The following SCFD2 variants were observed in gnomAD, a reference collection of about 807,000 sequenced individuals.
SCFD2 encodes sec1 family domain containing 2.
Under a neutral mutation model 58.9 loss-of-function variants are expected in SCFD2, and 54 were observed. That is an observed-to-expected ratio of 0.92 (90% CI 0.74 to 1.15). The LOEUF (loss-of-function observed/expected upper bound fraction) is 1.15. Ranked by LOEUF, SCFD2 falls within the 50% of genes most tolerant of loss-of-function variation. The pLI is 0.00. For synonymous variants in SCFD2, 321 were observed against 335.9 expected, an observed-to-expected ratio of 0.96 and a Z score of 0.49; for missense variants, 805 against 836.6, an observed-to-expected ratio of 0.96 and a Z score of 0.47.
intron 4 of SCFD2, among the ~76,000 whole-genome samples, chr4:53,214,504 T>C (rs1728743063): frequency 6.6e-6 from 1 of 152,032 alleles, no homozygotes; most frequent in Non-Finnish European, 1.5e-5. Context: ...GATGGGGTTG[T>C]TTTTTTCTTG....
intron 8 of SCFD2, 40 bp from the exon 9 acceptor site, chr4:52,874,101 G>C: frequency 2.2e-6 from 3 of 1,340,330 alleles, no homozygotes; most frequent in South Asian, 1.2e-5. Flanking sequence ...AGGGAATTAG[G>C]GGGGCCAATC....
chr4:52,983,994 C>A (rs1380121541), intron 5 of SCFD2, among the ~76,000 whole-genome samples: 3 of 152,138 alleles, frequency 2.0e-5, no homozygotes, highest in Non-Finnish European at 2.9e-5. Context: ...ATATTGACTC[C>A]CACATAGTTT....
chr4:53,293,139 T>C (rs28784077), intron 3 of SCFD2, among the ~76,000 whole-genome samples: 99,239 of 151,984 alleles, frequency 0.65, 32,624 homozygotes, highest in Middle Eastern at 0.78. Flanking sequence ...AGGAATGAGA[T>C]CATGTCTTTT....
At chr4:53,163,841 G>A (rs951606687) in intron 4 of SCFD2, among the ~76,000 whole-genome samples, 1 of 152,122 alleles carries the variant, frequency 6.6e-6, no homozygotes, top group Non-Finnish European at 1.5e-5. Flanking sequence ...ATTTGGCATT[G>A]GAAGCCTTTC....
chr4:53,172,387 T>C (rs182750235), intron 4 of SCFD2, among the ~76,000 whole-genome samples: 26 of 152,320 alleles, frequency 1.7e-4, no homozygotes, highest in African/African-American at 5.3e-4. Context: ...CTGCTAACTT[T>C]TGGCTTAGTT....
intron 2 of SCFD2, among the ~76,000 whole-genome samples, chr4:53,339,425 A>G (rs1733791541): frequency 6.6e-6 from 1 of 151,606 alleles, no homozygotes; most frequent in Non-Finnish European, 1.5e-5. Flanking sequence ...AGTTGTTATA[A>G]GTAATATCTA....
intron 2 of SCFD2, among the ~76,000 whole-genome samples, chr4:53,345,306 C>A (rs551047782): frequency 6.6e-6 from 1 of 152,132 alleles, no homozygotes; most frequent in Non-Finnish European, 1.5e-5. Context: ...AGACACTTCA[C>A]AAAAGAGGAC....
At chr4:53,273,752 T>A in intron 4 of SCFD2, 74 bp downstream of exon 4, 1 of 1,304,182 alleles carries the variant, frequency 7.7e-7, no homozygotes, top group Non-Finnish European at 1.1e-6. Flanking sequence ...AAGGCTATAA[T>A]AAATGTCAAG....
At chr4:53,117,926 G>A (rs1488760166) in intron 5 of SCFD2, among the ~76,000 whole-genome samples, 1 of 152,066 alleles carries the variant, frequency 6.6e-6, no homozygotes, top group Admixed American at 6.5e-5. Context: ...ATAAAGACAA[G>A]GCGGTCTTTT....
At chr4:53,332,835 A>T (rs1057201330) in intron 2 of SCFD2, among the ~76,000 whole-genome samples, 10 of 150,868 alleles carry the variant, frequency 6.6e-5, no homozygotes, top group Non-Finnish European at 1.2e-4. Flanking sequence ...ACATGATTGT[A>T]TATCTAGAAA....
Position 53,365,728 on chromosome 4 carries a change from TG to T in SCFD2, c.213del (p.Lys72ArgfsTer6). On this transcript the variant is annotated frameshift_variant, in exon 1 of 9. Coordinates refer to ENST00000401642, the MANE Select transcript of SCFD2 (RefSeq NM_152540.4). LOFTEE classifies it high-confidence loss of function. The surrounding 1 kb of genome is among the most constrained non-coding windows in gnomAD (Gnocchi z 4.3). ...AGGCAGCTCAGCACAAACACTGCCT[TG>T]GGCTGCTTGGCTCCACCACCAATTG... ...PDAIGGGAKQPKAVFVLSCLL... is the reference protein window; with the variant it reads ...PDAIGGGAKQXKAVFVLSCLL... The T allele has an allele frequency of 6.2e-7, 1 of 1,614,076 alleles. No homozygotes were observed. The highest frequency in any genetic ancestry group is 8.5e-7 in the Non-Finnish European group (1 of 1,179,982).
intron 4 of SCFD2, among the ~76,000 whole-genome samples, chr4:53,180,650 T>C (rs1243210159): frequency 3.3e-5 from 5 of 151,882 alleles, no homozygotes; most frequent in Non-Finnish European, 5.9e-5. Flanking sequence ...ATAACTAAGA[T>C]CAGAGTAGAA....
intron 5 of SCFD2, among the ~76,000 whole-genome samples, chr4:53,112,710 A>G (rs1442544949): frequency 6.6e-6 from 1 of 152,114 alleles, no homozygotes; most frequent in Non-Finnish European, 1.5e-5. Context: ...TTCCTCACTG[A>G]GAAAATGGGG....
At chr4:53,293,533 G>A (rs1341329812) in intron 3 of SCFD2, among the ~76,000 whole-genome samples, 2 of 152,052 alleles carry the variant, frequency 1.3e-5, no homozygotes, top group Non-Finnish European at 2.9e-5. Context: ...AAAACCTCAT[G>A]ATCATCTCAA....
rs1722136342 is a variant in SCFD2 at position 53,013,157 on chromosome 4, T to C, written c.1562-92287A>G. The stretch of plus-strand genomic sequence containing the variant: ...ACAAGGAAACAAAATCTGCTTAGAA[T>C]AGGCCATTCTTCCTTTACACCTACA... On this transcript the variant is annotated intron_variant, in intron 5 of 8. Transcript: ENST00000401642. Among the ~76,000 whole-genome samples, 4 of 152,336 alleles carry C rather than the reference T, an allele frequency of 2.6e-5. No homozygotes were observed. The South Asian group carries it at 8.3e-4, about 32-fold the overall frequency.
chr4:52,916,295 C>T (rs1355441394), intron 6 of SCFD2, among the ~76,000 whole-genome samples: 3 of 152,180 alleles, frequency 2.0e-5, no homozygotes, highest in African/African-American at 4.8e-5. Context: ...TGCGGCCGGG[C>T]GCAGTAGCTC....
intron 5 of SCFD2, among the ~76,000 whole-genome samples, chr4:53,038,757 C>T (rs1722825345): frequency 6.6e-6 from 1 of 151,568 alleles, no homozygotes; most frequent in Non-Finnish European, 1.5e-5. Context: ...GGTGTGATCA[C>T]ATCTCACTGC....
Position 53,254,489 on chromosome 4 carries a change from T to A in SCFD2, c.1311+19337A>T, listed in dbSNP as rs1323718285. On this transcript the variant is annotated intron_variant, in intron 4 of 8. Transcript: ENST00000401642. Reference sequence around the variant, plus strand: ...ATTAAACCTTTTTTCTTTTTTTCTTTTTTTTTTTGTTTTATTTTATTTCAT... The same window carrying A: ...ATTAAACCTTTTTTCTTTTTTTCTTATTTTTTTTGTTTTATTTTATTTCAT... 2.6e-5 allele frequency among the ~76,000 whole-genome samples: 4 copies of A among 151,832 alleles called. No individual in the cohort carries two copies. The East Asian group carries it at 7.7e-4, about 29-fold the overall frequency.
chr4:53,033,472 G>A (rs1722673844), intron 5 of SCFD2, among the ~76,000 whole-genome samples: 3 of 152,106 alleles, frequency 2.0e-5, no homozygotes, highest in Non-Finnish European at 2.9e-5. Context: ...TCAGATCAGA[G>A]CAGAACTGAA....
Sources: gnomAD v4.1 joint callset for allele counts (sites outside exome capture counted in the v4.1 genomes callset) on GRCh38, gnomAD v4.1.1 for gene constraint, Gnocchi (gnomAD v3.1) non-coding constraint, MANE v1.5 for transcripts, NCBI Gene and HGNC (gene_info 2026-07-23, HGNC 2026-07-21) for gene names.